The following MYPN variants were observed in gnomAD, a reference collection of about 807,000 sequenced individuals.
The protein encoded by MYPN is myopalladin, also known as sarcomeric protein myopalladin, 145 kDa (MYOP).
MYPN carries 63 observed loss-of-function variants against 129.4 expected under a neutral mutation model. The ratio of observed to expected loss-of-function variants is 0.49; its 90% CI spans 0.40 to 0.60. MYPN has a LOEUF of 0.60. MYPN is among the 20% of genes least tolerant of loss of function. MYPN has a pLI of 0.00. For missense variants in MYPN, 1,596 were observed against 1,635.4 expected (o/e 0.98, Z 0.42); for synonymous variants, 629 against 600.9 (o/e 1.05, Z -0.68).
chr10:68,141,643 C>T (rs551758930), intron 2 of MYPN, among the ~76,000 whole-genome samples: 42 of 152,280 alleles, frequency 2.8e-4, no homozygotes, highest in African/African-American at 9.9e-4. Context: ...CCCTAATAGC[C>T]GCTTATGATT....
intron 6 of MYPN, among the ~76,000 whole-genome samples, chr10:68,151,115 G>A (rs2042762855): frequency 1.3e-5 from 2 of 152,170 alleles, no homozygotes; most frequent in African/African-American, 4.8e-5. Context: ...AATGTCAACA[G>A]TGTTGAAGCT....
chr10:68,122,197 G>T lies in MYPN; in HGVS notation c.759G>T (p.Gly253=), dbSNP rs764556168. The T allele has an allele frequency of 6.2e-7, 1 of 1,609,412 alleles. No individual in the cohort carries two copies. Among genetic ancestry groups the T allele is most frequent in the South Asian group, 1.1e-5 (1 of 90,450 alleles). ...SEAAGGDTTP[G]SSPSSLYYEE... is the part of the protein sequence containing the mutation. ...CGGCTGGTGGAGACACTACACCAGG[G>T]TCTTCCCCTTCATCTCTGTACTATG... Residue 253 remains glycine (G), a synonymous_variant, in exon 2 of 20, where the codon GGG becomes GGT. Coordinates refer to ENST00000358913, the MANE Select transcript of MYPN (RefSeq NM_032578.4).
In MYPN at chr10:68,210,574, G is replaced by A. The variant is rs1265697303; in HGVS notation, c.*119G>A. The A allele has an allele frequency of 1.4e-5, 17 of 1,192,570 alleles. No homozygotes were observed. Among genetic ancestry groups the A allele is most frequent in the Non-Finnish European group, 2.0e-5 (16 of 812,042 alleles). The allele number at this position is 1,192,570 out of a possible 1,614,324, so 73.9% of individuals were successfully genotyped here. On this transcript the variant is annotated 3_prime_UTR_variant, in exon 20 of 20. Transcript: ENST00000358913. ...TAAGTTCCCACACTGCTGGACCTGT[G>A]GCAAAGAGTGCTTTGAATAAGTCAG...
In MYPN at chr10:68,174,630, G is replaced by A. The variant is rs745665817; in HGVS notation, c.2538G>A (p.Met846Ile). ...CTGCCATCCCACCCACAAATGCCAT[G>A]GGGCTGCCTAGAAGTGCACCATCCA... is the stretch of plus-strand genomic sequence containing the variant. ...SLPAIPPTNAMGLPRSAPSMP... is the reference protein window; with the variant it reads ...SLPAIPPTNAIGLPRSAPSMP... Residue 846 changes from methionine to isoleucine, a missense_variant, in exon 11 of 20, where the codon ATG becomes ATA. Physicochemically the swap from Met to Ile is conservative, Grantham distance 10. Transcript: ENST00000358913. The A allele has an allele frequency of 6.2e-7, 1 of 1,614,094 alleles. No individual in the cohort carries two copies. The highest frequency in any genetic ancestry group is 1.1e-5 in the South Asian group (1 of 91,082).
chr10:68,100,769 T>C (rs907838565), intron 1 of MYPN, among the ~76,000 whole-genome samples: 15 of 152,270 alleles, frequency 9.9e-5, no homozygotes, highest in Admixed American at 6.6e-4. Context: ...ATACCAATTA[T>C]CTCAAGAATT....
At chr10:68,208,828 A>T (rs1281549844) in intron 19 of MYPN, among the ~76,000 whole-genome samples, 1 of 152,070 alleles carries the variant, frequency 6.6e-6, no homozygotes, top group African/African-American at 2.4e-5. Context: ...AGGGACACGT[A>T]GGGCTCCCCT....
Position 68,182,471 on chromosome 10 carries a change from T to TATAC in MYPN, c.2704-6433_2704-6432insTACA, listed in dbSNP as rs780542025. Among the ~76,000 whole-genome samples the TATAC allele has an allele frequency of 5.6e-3, 581 of 104,648 alleles. 16 individuals are homozygous for TATAC. The highest frequency in any genetic ancestry group is 0.012 in the African/African-American group (357 of 28,842). 68.7% of individuals were successfully genotyped at this position (104,648 alleles called of 152,430 possible). A position where few individuals can be genotyped will look rare whatever the true frequency, so the allele number is the denominator to read the frequency against. ...ATATAACATATATATATAACATATA[T>TATAC]ACACACACACACACACACACACACA... On this transcript the variant is annotated intron_variant, in intron 12 of 19. Coordinates refer to ENST00000358913, the MANE Select transcript of MYPN (RefSeq NM_032578.4).
In MYPN at chr10:68,122,083, C is replaced by G. The variant is rs138668307; in HGVS notation, c.645C>G (p.Ile215Met). ...RRERSSVPIP[I>M]PADTRDNEVN... is the part of the protein sequence containing the mutation. ...AAAGATCTTCTGTTCCCATCCCTAT[C>G]CCTGCGGATACCAGGGATAATGAAG... is the stretch of plus-strand genomic sequence containing the variant. The change falls in exon 2 of 20, where the codon ATC becomes ATG. Residue 215 changes from isoleucine (I) to methionine (M), a missense_variant. Ile to Met is a conservative substitution (Grantham distance 10, BLOSUM62 1). Transcript: ENST00000358913. 3.1e-6 allele frequency: 5 copies of G among 1,614,216 alleles called. No homozygotes were observed. The highest frequency in any genetic ancestry group is 4.2e-6 in the Non-Finnish European group (5 of 1,180,042).
intron 10 of MYPN, among the ~76,000 whole-genome samples, chr10:68,172,087 C>T (rs1480725464): frequency 6.6e-6 from 1 of 152,208 alleles, no homozygotes; most frequent in Non-Finnish European, 1.5e-5. Context: ...ACCAGCAAGG[C>T]GCTTGCCTGT....
intron 12 of MYPN, among the ~76,000 whole-genome samples, chr10:68,188,489 A>G (rs1243848819): frequency 6.6e-6 from 1 of 152,044 alleles, no homozygotes; most frequent in East Asian, 1.9e-4. Flanking sequence ...TCAAGTGTGA[A>G]GATGGAAAAA....
intron 16 of MYPN, among the ~76,000 whole-genome samples, chr10:68,198,544 C>T (rs1228045901): frequency 6.6e-6 from 1 of 152,158 alleles, no homozygotes; most frequent in Non-Finnish European, 1.5e-5. Context: ...GGTTCTTCTT[C>T]TCTCTGTGGC....
chr10:68,136,345 C>G (rs1390269007), intron 2 of MYPN: 3 of 884,724 alleles, frequency 3.4e-6, no homozygotes. Flanking sequence ...TGAATCATGC[C>G]TGGCACCTAC....
intron 1 of MYPN, among the ~76,000 whole-genome samples, chr10:68,119,698 C>T (rs1380306144): frequency 1.3e-5 from 2 of 152,228 alleles, no homozygotes; most frequent in Non-Finnish European, 1.5e-5. Flanking sequence ...AGGCGTGCGC[C>T]GCTGTGCCCT....
chr10:68,138,431 T>TC (rs994657766), intron 2 of MYPN, among the ~76,000 whole-genome samples: 2 of 150,738 alleles, frequency 1.3e-5, no homozygotes, highest in Non-Finnish European at 3.0e-5. Flanking sequence ...TTTCTTTCTT[T>TC]TTTTTTTTTT....
At chr10:68,174,763 A>C in intron 11 of MYPN, 107 bp downstream of exon 11, 1 of 1,039,864 alleles carries the variant, frequency 9.6e-7, no homozygotes, top group Non-Finnish European at 1.5e-6. Context: ...TTCCTAGATA[A>C]TCTTATTCTC....
intron 11 of MYPN, 85 bp from the exon 12 acceptor site, chr10:68,175,238 G>A: frequency 1.4e-6 from 2 of 1,466,810 alleles, no homozygotes; most frequent in Admixed American, 1.7e-5. Context: ...GTTTCTGGTT[G>A]TCATTTCAAC....
At chr10:68,160,539 G>A (rs116887023) in intron 7 of MYPN, among the ~76,000 whole-genome samples, 3,031 of 151,764 alleles carry the variant, frequency 0.02, 36 homozygotes, top group Non-Finnish European at 0.027. Context: ...TTGAGTGTTG[G>A]CAATTCAATA....
At position 68,131,820 on chromosome 10, in the gene MYPN, A is replaced by G. The variant is rs181954292; in HGVS notation, c.902+9480A>G. On this transcript the variant is annotated intron_variant, in intron 2 of 19. Coordinates refer to ENST00000358913, the MANE Select transcript of MYPN (RefSeq NM_032578.4). The stretch of plus-strand genomic sequence containing the variant: ...TTTTAATGCTATTATTAATGGCATC[A>G]TTGTTAAAAATTACTTTCTATGTTT... 9.8e-5 allele frequency among the ~76,000 whole-genome samples: 15 copies of G among 152,308 alleles called. No individual in the cohort carries two copies. In the East Asian group the frequency reaches 2.5e-3, roughly 25 times the overall value.
upstream of MYPN, among the ~76,000 whole-genome samples, chr10:68,103,523 C>T (rs2133947758): frequency 6.6e-6 from 1 of 152,256 alleles, no homozygotes; most frequent in Non-Finnish European, 1.5e-5. Flanking sequence ...ATCCCATTGC[C>T]CATCAATACA....
Sources: allele counts gnomAD v4.1 joint callset (sites outside exome capture counted in the v4.1 genomes callset), GRCh38; gene constraint gnomAD v4.1.1; transcripts MANE v1.5; gene names NCBI Gene and HGNC (gene_info 2026-07-23, HGNC 2026-07-21).